The following CDK14 variants were observed in gnomAD, a reference collection of about 807,000 sequenced individuals.
CDK14 encodes the protein cyclin dependent kinase 14, also known as cyclin-dependent kinase 14.
A neutral mutation model predicts 60.7 loss-of-function variants in CDK14; 34 were observed. The ratio of observed to expected loss-of-function variants is 0.56; its 90% CI spans 0.43 to 0.75. CDK14 has a LOEUF of 0.75. CDK14 is among the 30% of genes least tolerant of loss of function. The pLI, the probability that CDK14 is intolerant of heterozygous loss-of-function variation, is 0.00. For missense variants in CDK14, 482 were observed against 564.1 expected, an observed-to-expected ratio of 0.85 and a Z score of 1.47; for synonymous variants, 197 against 203.7, an observed-to-expected ratio of 0.97 and a Z score of 0.28.
chr7:91,099,711 G>T (rs1451613280), intron 12 of CDK14, among the ~76,000 whole-genome samples: 2 of 152,124 alleles, frequency 1.3e-5, no homozygotes, highest in East Asian at 3.9e-4. Flanking sequence ...AGTTGGAAAG[G>T]TTGTGAGTTA....
chr7:90,707,731 CAAA>C (rs1563051724), intron 2 of CDK14, among the ~76,000 whole-genome samples: 2 of 152,166 alleles, frequency 1.3e-5, no homozygotes, highest in Non-Finnish European at 1.5e-5. Flanking sequence ...TGCTATTCCC[CAAA>C]TGTCCTTCTT....
intron 2 of CDK14, among the ~76,000 whole-genome samples, chr7:90,672,030 C>T (rs1801107341): frequency 6.6e-6 from 1 of 152,134 alleles, no homozygotes; most frequent in African/African-American, 2.4e-5. Flanking sequence ...ATGAATGAAG[C>T]AGGAAGAATA....
chr7:91,032,943 A>C (rs866942860), intron 10 of CDK14, among the ~76,000 whole-genome samples: 1 of 152,228 alleles, frequency 6.6e-6, no homozygotes, highest in Non-Finnish European at 1.5e-5. Flanking sequence ...TTTTGATGTA[A>C]CTGAAATGAA....
intron 11 of CDK14, among the ~76,000 whole-genome samples, chr7:91,064,025 A>AT (rs1189812122): frequency 6.6e-6 from 1 of 152,126 alleles, no homozygotes; most frequent in African/African-American, 2.4e-5. Context: ...TGAGGCATGG[A>AT]ATGATTAAGT....
At chr7:91,137,716 A>G (rs2888817) in intron 14 of CDK14, among the ~76,000 whole-genome samples, 8,452 of 130,424 alleles carry the variant, frequency 0.065, 696 homozygotes, top group East Asian at 0.47. Flanking sequence ...GTGTGTGTGT[A>G]TGTGTGTGTG....
At chr7:90,633,178 TG>T (rs1800044217) in intron 2 of CDK14, among the ~76,000 whole-genome samples, 1 of 151,826 alleles carries the variant, frequency 6.6e-6, no homozygotes, top group African/African-American at 2.4e-5. Context: ...TTAATGAAAA[TG>T]TGTTCATTTA....
At chr7:90,750,254 T>G (rs1803784916) in intron 4 of CDK14, among the ~76,000 whole-genome samples, 1 of 146,374 alleles carries the variant, frequency 6.8e-6, no homozygotes, top group African/African-American at 2.6e-5. Flanking sequence ...ACAAAAATAA[T>G]TACAAAAATT....
At chr7:91,122,941 T>C (rs1215603053) in intron 14 of CDK14, among the ~76,000 whole-genome samples, 3 of 152,188 alleles carry the variant, frequency 2.0e-5, no homozygotes, top group Non-Finnish European at 4.4e-5. Context: ...TTGGCCAACC[T>C]GTTTTTAAGG....
At chr7:90,934,748 C>T (rs1793698396) in intron 8 of CDK14, among the ~76,000 whole-genome samples, 1 of 152,072 alleles carries the variant, frequency 6.6e-6, no homozygotes, top group Non-Finnish European at 1.5e-5. Flanking sequence ...TAAGTTATTC[C>T]ATTCCCTACC....
At chr7:90,894,658 T>A (rs1328527985) in intron 6 of CDK14, among the ~76,000 whole-genome samples, 1 of 152,202 alleles carries the variant, frequency 6.6e-6, no homozygotes, top group African/African-American at 2.4e-5. Context: ...TAGAAAAGTT[T>A]AAGATAATTC....
At chr7:90,627,562 T>G (rs536284370) in intron 2 of CDK14, among the ~76,000 whole-genome samples, 1 of 152,284 alleles carries the variant, frequency 6.6e-6, no homozygotes, top group African/African-American at 2.4e-5. Context: ...AAGCATTGCG[T>G]TATACTGGCA....
chr7:91,174,232 C>G (rs1801643508), intron 14 of CDK14, among the ~76,000 whole-genome samples: 1 of 152,004 alleles, frequency 6.6e-6, no homozygotes, highest in Non-Finnish European at 1.5e-5. Flanking sequence ...TCCAACAGAC[C>G]TGCAGCTGAG....
intron 2 of CDK14, among the ~76,000 whole-genome samples, chr7:90,632,978 C>T (rs1584754835): frequency 6.6e-6 from 1 of 151,974 alleles, no homozygotes; most frequent in East Asian, 1.9e-4. Context: ...AGTCTGTAGT[C>T]TCAGCCACTC....
At chr7:90,878,489 A>G (rs1034337531) in intron 6 of CDK14, among the ~76,000 whole-genome samples, 1 of 152,170 alleles carries the variant, frequency 6.6e-6, no homozygotes, top group African/African-American at 2.4e-5. Flanking sequence ...CATTTCAACT[A>G]GTAAATATAA....
At chr7:91,106,210 C>T (rs1378540936) in intron 12 of CDK14, among the ~76,000 whole-genome samples, 1 of 152,104 alleles carries the variant, frequency 6.6e-6, no homozygotes, top group African/African-American at 2.4e-5. Context: ...CCTAACATTG[C>T]AATTGCAGAA....
At chr7:90,810,221 A>G (rs1051317114) in intron 5 of CDK14, among the ~76,000 whole-genome samples, 1 of 152,256 alleles carries the variant, frequency 6.6e-6, no homozygotes, top group Non-Finnish European at 1.5e-5. Flanking sequence ...GAAATCCTCA[A>G]TAAAATACTG....
intron 5 of CDK14, among the ~76,000 whole-genome samples, chr7:90,817,806 C>T (rs958988055): frequency 3.3e-5 from 5 of 152,194 alleles, no homozygotes; most frequent in Non-Finnish European, 7.3e-5. Context: ...TTTCTACTCT[C>T]AGGGACTTCC....
At chr7:90,847,614 T>C (rs1790509931) in intron 5 of CDK14, among the ~76,000 whole-genome samples, 1 of 152,176 alleles carries the variant, frequency 6.6e-6, no homozygotes, top group African/African-American at 2.4e-5. Context: ...TTTTTCCCCA[T>C]AGACATGTTA....
chr7:90,805,701 T>C (rs373768761), intron 5 of CDK14, among the ~76,000 whole-genome samples: 2 of 152,166 alleles, frequency 1.3e-5, no homozygotes, highest in East Asian at 1.9e-4. Flanking sequence ...AGATGACACC[T>C]CACCCCAAAT....
Sources: gnomAD v4.1 joint callset for allele counts (sites outside exome capture counted in the v4.1 genomes callset) on GRCh38, gnomAD v4.1.1 for gene constraint, MANE v1.5 for transcripts, NCBI Gene and HGNC (gene_info 2026-07-23, HGNC 2026-07-21) for gene names.